The following PDGFD variants were observed in gnomAD, a reference collection of about 807,000 sequenced individuals.
PDGFD encodes the protein platelet derived growth factor D.
A neutral mutation model predicts 44.7 loss-of-function variants in PDGFD; 30 were observed. The observed-to-expected ratio is 0.67, with a 90% confidence interval of 0.50 to 0.91. The LOEUF is 0.91. Among genes scored for constraint, PDGFD ranks in the 40% least tolerant of loss-of-function variants. The pLI is 0.00. For missense variants in PDGFD, 445 were observed against 457.8 expected (o/e 0.97, Z 0.25); for synonymous variants, 173 against 168.4 (o/e 1.03, Z -0.21).
chr11:104,026,683 C>T (rs777699974), intron 1 of PDGFD, among the ~76,000 whole-genome samples: 4 of 152,164 alleles, frequency 2.6e-5, no homozygotes, highest in Admixed American at 6.5e-5. Context: ...AACCTTATGG[C>T]CTCATGGTTA....
intron 3 of PDGFD, among the ~76,000 whole-genome samples, chr11:103,952,080 T>C (rs1858767714): frequency 6.6e-6 from 1 of 152,168 alleles, no homozygotes; most frequent in African/African-American, 2.4e-5. Flanking sequence ...TTCTGACTGG[T>C]TGGTCCCTAT....
chr11:104,152,946 T>C (rs937763911), intron 1 of PDGFD, among the ~76,000 whole-genome samples: 2 of 152,270 alleles, frequency 1.3e-5, no homozygotes, highest in African/African-American at 4.8e-5. Context: ...TTAAAAACTT[T>C]ATAATATATA....
Position 104,006,423 on chromosome 11 carries a change from T to C in PDGFD, c.125-6168A>G, listed in dbSNP as rs991648316. Among the ~76,000 whole-genome samples, 8 of 152,356 alleles carry C rather than the reference T, an allele frequency of 5.3e-5. No homozygotes were observed. In the South Asian group the frequency reaches 8.3e-4, roughly 16 times the overall value. Reference sequence around the variant, plus strand: ...AAGTCTGGTTTTTCATTTTGTGTCCTTGACTGACAACCTGTTGATATGGAC... The same window carrying C: ...AAGTCTGGTTTTTCATTTTGTGTCCCTGACTGACAACCTGTTGATATGGAC... On this transcript the variant is annotated intron_variant, in intron 1 of 6. Transcript: ENST00000393158.
chr11:103,919,601 C>T (rs183436059), intron 6 of PDGFD, among the ~76,000 whole-genome samples: 70 of 150,926 alleles, frequency 4.6e-4, no homozygotes, highest in African/African-American at 1.6e-3. Flanking sequence ...CTCCACCTCC[C>T]GGGTTCAAGT....
chr11:103,914,614 T>C (rs6591058), intron 6 of PDGFD, among the ~76,000 whole-genome samples: 69,505 of 151,924 alleles, frequency 0.46, 16,020 homozygotes, highest in South Asian at 0.49. Context: ...AGCATCATCC[T>C]GATACCAAAA....
chr11:103,981,390 T>C (rs1418864841), intron 3 of PDGFD, among the ~76,000 whole-genome samples: 2 of 151,564 alleles, frequency 1.3e-5, no homozygotes, highest in Non-Finnish European at 2.9e-5. Context: ...TTACCCAGTC[T>C]CAAGTACTCA....
chr11:104,024,228 C>A (rs1233813276), intron 1 of PDGFD, among the ~76,000 whole-genome samples: 1 of 152,008 alleles, frequency 6.6e-6, no homozygotes, highest in Non-Finnish European at 1.5e-5. Flanking sequence ...GGATTAATAT[C>A]TCCAAGTATA....
intron 1 of PDGFD, among the ~76,000 whole-genome samples, chr11:104,065,857 G>A (rs572828447): frequency 7.2e-5 from 11 of 152,174 alleles, no homozygotes; most frequent in East Asian, 3.9e-4. Context: ...TTTCTAGTCC[G>A]TTCTAAGGGA....
intron 1 of PDGFD, among the ~76,000 whole-genome samples, chr11:104,083,217 G>A (rs1056888712): frequency 2.0e-5 from 3 of 152,036 alleles, no homozygotes; most frequent in Non-Finnish European, 2.9e-5. Context: ...CAGAATCTTG[G>A]TCATTTTCTA....
intron 1 of PDGFD, among the ~76,000 whole-genome samples, chr11:104,074,368 G>T (rs575307086): frequency 8.5e-5 from 13 of 152,316 alleles, no homozygotes; most frequent in African/African-American, 2.9e-4. Context: ...CAATGGGCAA[G>T]TGATACAAGT....
At chr11:103,967,762 A>G (rs1859043593) in intron 3 of PDGFD, among the ~76,000 whole-genome samples, 1 of 152,092 alleles carries the variant, frequency 6.6e-6, no homozygotes, top group African/African-American at 2.4e-5. Flanking sequence ...TCTTCCACCC[A>G]TATCTTTATT....
chr11:103,950,024 A>G (rs914671168), intron 3 of PDGFD, among the ~76,000 whole-genome samples: 3 of 152,188 alleles, frequency 2.0e-5, no homozygotes, highest in African/African-American at 7.2e-5. Flanking sequence ...TACACTATGT[A>G]CAGATGGAGA....
intron 6 of PDGFD, among the ~76,000 whole-genome samples, chr11:103,910,319 C>T (rs10895535): frequency 0.46 from 69,661 of 152,044 alleles, 16,067 homozygotes; most frequent in South Asian, 0.49. Context: ...GATGGCCGAA[C>T]AGGAACAGCT....
intron 1 of PDGFD, among the ~76,000 whole-genome samples, chr11:104,099,286 T>C (rs932517061): frequency 2.6e-5 from 4 of 152,198 alleles, no homozygotes; most frequent in Non-Finnish European, 5.9e-5. Context: ...TTTAGATATC[T>C]ATCCTAAATA....
At chr11:103,915,096 G>A (rs1858098280) in intron 6 of PDGFD, among the ~76,000 whole-genome samples, 2 of 152,130 alleles carry the variant, frequency 1.3e-5, no homozygotes, top group South Asian at 4.1e-4. Context: ...GTTCTGGCCA[G>A]GGCAATCAGG....
At chr11:103,983,699 T>C (rs557796074) in intron 3 of PDGFD, among the ~76,000 whole-genome samples, 3 of 151,666 alleles carry the variant, frequency 2.0e-5, no homozygotes, top group Admixed American at 6.6e-5. Context: ...CCAGACTCTA[T>C]AAGGAACTTA....
At chr11:103,945,085 GGT>G (rs1005620416) in intron 4 of PDGFD, among the ~76,000 whole-genome samples, 49 of 152,188 alleles carry the variant, frequency 3.2e-4, no homozygotes, top group African/African-American at 1.1e-3. Flanking sequence ...GGTGTATCCA[GGT>G]AATAATGATC....
chr11:104,104,351 C>G (rs1400021625), intron 1 of PDGFD, among the ~76,000 whole-genome samples: 2 of 151,948 alleles, frequency 1.3e-5, no homozygotes, highest in Non-Finnish European at 2.9e-5. Flanking sequence ...TTTATAAAGT[C>G]TATATAGTGT....
chr11:103,983,318 GA>G (rs1366411826), intron 3 of PDGFD, among the ~76,000 whole-genome samples: 1 of 151,804 alleles, frequency 6.6e-6, no homozygotes, highest in Non-Finnish European at 1.5e-5. Context: ...AGGCAATGGG[GA>G]AAGGATTCTC....
Sources: gnomAD v4.1 joint callset for allele counts (sites outside exome capture counted in the v4.1 genomes callset) on GRCh38, gnomAD v4.1.1 for gene constraint, MANE v1.5 for transcripts, NCBI Gene and HGNC (gene_info 2026-07-23, HGNC 2026-07-21) for gene names.